CPA6: variants seen among roughly 807,000 people sequenced by gnomAD.
CPA6 encodes carboxypeptidase A6.
Under a neutral mutation model 63.3 loss-of-function variants are expected in CPA6, and 58 were observed. That is an observed-to-expected ratio of 0.92 (90% CI 0.74 to 1.14). The LOEUF (loss-of-function observed/expected upper bound fraction) is 1.14. Ranked by LOEUF, CPA6 falls within the 50% of genes most tolerant of loss-of-function variation. The pLI is 0.00. For missense variants in CPA6, 565 were observed against 526.6 expected (o/e 1.07, Z -0.71); for synonymous variants, 185 against 179.0 (o/e 1.03, Z -0.27).
intron 1 of CPA6, among the ~76,000 whole-genome samples, chr8:67,642,793 T>TCACACACACACA (rs61054637): frequency 0.17 from 24,121 of 144,838 alleles, 2,192 homozygotes; most frequent in Non-Finnish European, 0.22. Flanking sequence ...GGCCTTTATC[T>TCACACACACACA]CACACACACA....
chr8:67,490,646 G>T (rs1372019533), intron 6 of CPA6, among the ~76,000 whole-genome samples: 2 of 152,200 alleles, frequency 1.3e-5, no homozygotes, highest in African/African-American at 2.4e-5. Flanking sequence ...GAAAGACATA[G>T]AATGAATCTA....
At chr8:67,691,063 C>T (rs528743396) in intron 1 of CPA6, among the ~76,000 whole-genome samples, 46 of 152,320 alleles carry the variant, frequency 3.0e-4, no homozygotes, top group African/African-American at 1.1e-3. Flanking sequence ...CTGGTAACTA[C>T]AAGCATTTGT....
At chr8:67,703,835 C>T (rs1042687094) in intron 1 of CPA6, among the ~76,000 whole-genome samples, 3 of 152,216 alleles carry the variant, frequency 2.0e-5, no homozygotes, top group Admixed American at 6.5e-5. Context: ...CAGTTATGCT[C>T]CAGGGCCAAG....
chr8:67,692,104 AG>A (rs1014540987), intron 1 of CPA6, among the ~76,000 whole-genome samples: 11 of 152,170 alleles, frequency 7.2e-5, no homozygotes, highest in African/African-American at 2.7e-4. Flanking sequence ...TGGGAGGCCG[AG>A]GCCAGCGGAT....
At chr8:67,484,648 T>G in intron 7 of CPA6, 31 bp downstream of exon 7, 1 of 1,153,548 alleles carries the variant, frequency 8.7e-7, no homozygotes, top group Non-Finnish European at 1.3e-6. Context: ...TATTTAGTCC[T>G]CTTTTCAACT....
chr8:67,540,494 C>T (rs1392911509), intron 2 of CPA6, among the ~76,000 whole-genome samples: 1 of 152,178 alleles, frequency 6.6e-6, no homozygotes, highest in African/African-American at 2.4e-5. Context: ...CAGGGACCCA[C>T]CTGAGGAAGC....
chr8:67,737,586 C>T (rs1817838251), intron 1 of CPA6, among the ~76,000 whole-genome samples: 1 of 152,110 alleles, frequency 6.6e-6, no homozygotes, highest in South Asian at 2.1e-4. Context: ...CACAAGGATC[C>T]CAGGGTTGGA....
At position 67,622,966 on chromosome 8, in the gene CPA6, C is replaced by T. The variant is rs1253896974; in HGVS notation, c.192+1210G>A. Among the ~76,000 whole-genome samples the T allele has an allele frequency of 3.3e-5, 5 of 152,296 alleles. No individual in the cohort carries two copies. In the East Asian group the frequency reaches 7.7e-4, roughly 23 times the overall value. ...TAACTTTTAGGTAAAAACTAACACT[C>T]AATTGTATGCACTGATGGAGTTACA... On this transcript the variant is annotated intron_variant, in intron 2 of 10. Coordinates refer to ENST00000297770, the MANE Select transcript of CPA6 (RefSeq NM_020361.5).
At chr8:67,641,028 G>C (rs1275165795) in intron 1 of CPA6, among the ~76,000 whole-genome samples, 1 of 151,690 alleles carries the variant, frequency 6.6e-6, no homozygotes, top group Non-Finnish European at 1.5e-5. Context: ...CTGCCTCAGG[G>C]ACATGGGGTA....
intron 1 of CPA6, among the ~76,000 whole-genome samples, chr8:67,726,504 A>G (rs1232989701): frequency 6.6e-6 from 1 of 152,208 alleles, no homozygotes; most frequent in African/African-American, 2.4e-5. Context: ...TTTTCTGGAA[A>G]GTCTTCTTAA....
chr8:67,439,374 G>C (rs763931364), intron 8 of CPA6, among the ~76,000 whole-genome samples: 3 of 152,092 alleles, frequency 2.0e-5, no homozygotes, highest in Non-Finnish European at 4.4e-5. Context: ...ATCACTTGAG[G>C]TAAGGAGTTT....
intron 1 of CPA6, among the ~76,000 whole-genome samples, chr8:67,642,793 T>TCTCACACACACACACACA (rs369938715): frequency 6.9e-6 from 1 of 145,074 alleles, no homozygotes; most frequent in Admixed American, 6.9e-5. Flanking sequence ...GGCCTTTATC[T>TCTCACACACACACACACA]CACACACACA....
intron 1 of CPA6, among the ~76,000 whole-genome samples, chr8:67,719,083 G>T (rs1817441750): frequency 6.6e-6 from 1 of 152,082 alleles, no homozygotes; most frequent in South Asian, 2.1e-4. Context: ...AAGACAACAA[G>T]CTAGGCTCCA....
At chr8:67,435,435 G>A (rs559332109) in intron 8 of CPA6, among the ~76,000 whole-genome samples, 11 of 152,158 alleles carry the variant, frequency 7.2e-5, no homozygotes, top group Non-Finnish European at 1.0e-4. Flanking sequence ...GGCTGGAGAA[G>A]GGGCAGGAGA....
intron 8 of CPA6, among the ~76,000 whole-genome samples, chr8:67,461,463 T>C (rs559752508): frequency 0.055 from 8,346 of 151,132 alleles, 763 homozygotes; most frequent in African/African-American, 0.19. Flanking sequence ...GTCTACTACT[T>C]TCTACACAGA....
intron 8 of CPA6, among the ~76,000 whole-genome samples, chr8:67,467,914 C>T (rs139839979): frequency 0.32 from 46,688 of 144,216 alleles, 7,481 homozygotes; most frequent in Middle Eastern, 0.44. Context: ...AAAAATTAGC[C>T]AGGTGTGGTG....
At chr8:67,518,296 A>G (rs774064200) in intron 2 of CPA6, among the ~76,000 whole-genome samples, 1 of 152,168 alleles carries the variant, frequency 6.6e-6, no homozygotes, top group Admixed American at 6.5e-5. Flanking sequence ...TTAAAGCTAC[A>G]AGGTAAAAAT....
intron 2 of CPA6, among the ~76,000 whole-genome samples, chr8:67,618,033 C>G (rs550552712): frequency 4.6e-5 from 7 of 152,298 alleles, no homozygotes; most frequent in African/African-American, 1.7e-4. Flanking sequence ...TCAGACCCAC[C>G]TTGGCAATCT....
At chr8:67,466,085 T>C (rs1460200702) in intron 8 of CPA6, among the ~76,000 whole-genome samples, 4 of 110,298 alleles carry the variant, frequency 3.6e-5, no homozygotes, top group African/African-American at 2.0e-4. Context: ...CTGAGGCTTG[T>C]TTTTTTTTTT....
Sources: allele counts gnomAD v4.1 joint callset (sites outside exome capture counted in the v4.1 genomes callset), GRCh38; gene constraint gnomAD v4.1.1; transcripts MANE v1.5; gene names NCBI Gene and HGNC (gene_info 2026-07-23, HGNC 2026-07-21).